The following NPAS3 variants were observed in gnomAD, a reference collection of about 807,000 sequenced individuals.
The protein encoded by NPAS3 is neuronal PAS domain-containing protein 3.
Under a neutral mutation model 73.1 loss-of-function variants are expected in NPAS3, and 14 were observed. That is an observed-to-expected ratio of 0.19 (90% CI 0.13 to 0.30). The LOEUF is 0.30. Among genes scored for constraint, NPAS3 ranks in the 10% least tolerant of loss-of-function variants. The probability of loss-of-function intolerance (pLI) is 1.00; values close to 1 mark genes in which losing one functional copy is unlikely to be tolerated. For synonymous variants in NPAS3, 620 were observed against 541.5 expected (o/e 1.14, Z -2.01); for missense variants, 1,096 against 1,250.0 (o/e 0.88, Z 1.86).
At chr14:33,769,868 A>G (rs1313114441) in intron 7 of NPAS3, among the ~76,000 whole-genome samples, 1 of 146,600 alleles carries the variant, frequency 6.8e-6, no homozygotes, top group Non-Finnish European at 1.5e-5. Context: ...AGGTTCAAGC[A>G]ATCCTCAAAC....
rs139230487 is a variant in NPAS3, at chr14:33,663,665, G to A, written c.559-12546G>A. On this transcript the variant is annotated intron_variant, in intron 5 of 11. Transcript: ENST00000356141. ...TCTGGTAGAATTCAGCTATGAATCC[G>A]TCTGGTCCTGGGGTTTTTTTGGTTG... is the stretch of plus-strand genomic sequence containing the variant. Among the ~76,000 whole-genome samples the A allele has an allele frequency of 3.2e-3, 490 of 152,198 alleles. 5 individuals carry two copies. Among genetic ancestry groups the A allele is most frequent in the African/African-American group, 0.011 (457 of 41,506 alleles).
intron 9 of NPAS3, among the ~76,000 whole-genome samples, chr14:33,782,521 G>C (rs559631517): frequency 3.5e-4 from 54 of 152,306 alleles, no homozygotes; most frequent in African/African-American, 1.2e-3. Context: ...AGGGTTCTTT[G>C]TGGGTCCAAT....
rs2383444 is a variant in NPAS3 at position 33,122,897 on chromosome 14, C to T, written c.140+66903C>T. Among the ~76,000 whole-genome samples the T allele has an allele frequency of 9.2e-5, 14 of 151,868 alleles. No individual in the cohort carries two copies. In the East Asian group the frequency reaches 2.1e-3, roughly 23 times the overall value. ...ATCAACTACAGATTTTTATTGTGGA[C>T]GTTTTGATTATAAGATCACTAGAAT... is the stretch of plus-strand genomic sequence containing the variant. On this transcript the variant is annotated intron_variant, in intron 2 of 11. Coordinates refer to ENST00000356141, the Ensembl canonical transcript of NPAS3.
intron 3 of NPAS3, among the ~76,000 whole-genome samples, chr14:33,291,150 G>C (rs1270246568): frequency 1.3e-5 from 2 of 152,094 alleles, no homozygotes; most frequent in Admixed American, 1.3e-4. Context: ...AGAGGGGAAA[G>C]CACAACCCCA....
At chr14:32,966,594 C>CTGCTATGAGAAAGCGTAGGGGAAACA (rs1595108919) in intron 1 of NPAS3, among the ~76,000 whole-genome samples, 5 of 135,968 alleles carry the variant, frequency 3.7e-5, no homozygotes, top group Non-Finnish European at 3.3e-5. Flanking sequence ...AATTATGAAA[C>CTGCTATGAGAAAGCGTAGGGGAAACA]CCCGTCTCTA....
intron 4 of NPAS3, among the ~76,000 whole-genome samples, chr14:33,447,259 A>G (rs1205141928): frequency 6.6e-6 from 1 of 152,228 alleles, no homozygotes; most frequent in African/African-American, 2.4e-5. Context: ...CACATGAATG[A>G]GAGAATTCTA....
intron 3 of NPAS3, among the ~76,000 whole-genome samples, chr14:33,223,584 T>C (rs923976006): frequency 2.6e-5 from 4 of 152,300 alleles, no homozygotes; most frequent in Non-Finnish European, 4.4e-5. Context: ...GTCTGAATGA[T>C]TACTTACTGT....
upstream of NPAS3, among the ~76,000 whole-genome samples, chr14:32,938,486 TGAGAGAGAGAGAGAGA>T (rs369330767): frequency 1.8e-5 from 1 of 55,906 alleles, no homozygotes; most frequent in Non-Finnish European, 3.3e-5. Context: ...AGAGAGAAAT[TGAGAGAGAGAGAGAGA>T]GAGAGAGAGA....
chr14:33,784,732 TATTTATTTA>T (rs2063092584), intron 9 of NPAS3, among the ~76,000 whole-genome samples: 2 of 103,556 alleles, frequency 1.9e-5, no homozygotes, highest in Non-Finnish European at 1.8e-5. Context: ...TTTATTTATT[TATTTATTTA>T]TTTATTTTTT....
chr14:33,117,431 C>T (rs1247590894), intron 2 of NPAS3, among the ~76,000 whole-genome samples: 5 of 152,070 alleles, frequency 3.3e-5, no homozygotes, highest in Non-Finnish European at 7.4e-5. Flanking sequence ...ACTCTCATGA[C>T]AGAGAAATAA....
At chr14:33,485,183 T>G (rs1450197689) in intron 4 of NPAS3, among the ~76,000 whole-genome samples, 1 of 152,146 alleles carries the variant, frequency 6.6e-6, no homozygotes, top group Non-Finnish European at 1.5e-5. Flanking sequence ...TCTTATGGAT[T>G]CCTCGTGTGC....
intron 1 of NPAS3, among the ~76,000 whole-genome samples, chr14:33,039,419 G>A (rs187309367): frequency 6.6e-6 from 1 of 152,282 alleles, no homozygotes; most frequent in Admixed American, 6.5e-5. Flanking sequence ...TCATGATTCA[G>A]TGTGAAATCC....
At position 33,716,288 on chromosome 14, in the gene NPAS3, G is replaced by A. The variant is rs115782397; in HGVS notation, c.734-18926G>A. 1.0e-3 allele frequency among the ~76,000 whole-genome samples: 155 copies of A among 152,238 alleles called. 1 individual carries two copies. The highest frequency in any genetic ancestry group is 3.3e-3 in the African/African-American group (136 of 41,538). ...CTCCAGCTACTGTTTCGTCTTAGCC[G>A]TCATGGAAACCACAGCTTTTCATTC... On this transcript the variant is annotated intron_variant, in intron 6 of 11. Coordinates refer to ENST00000356141, the Ensembl canonical transcript of NPAS3.
intron 3 of NPAS3, among the ~76,000 whole-genome samples, chr14:33,293,403 TA>T (rs1229031094): frequency 6.6e-6 from 1 of 152,182 alleles, no homozygotes; most frequent in Non-Finnish European, 1.5e-5. Context: ...CTTTTTAGGA[TA>T]AAAAGTGTTG....
At chr14:32,938,852 T>TCCC (rs1369992448), upstream of NPAS3, among the ~76,000 whole-genome samples, 3 of 139,396 alleles carry the variant, frequency 2.2e-5, no homozygotes, top group African/African-American at 7.8e-5. Context: ...CGCCGCCGCC[T>TCCC]CCCCCTCCTC....
intron 7 of NPAS3, among the ~76,000 whole-genome samples, chr14:33,773,367 C>A (rs1411630285): frequency 6.6e-6 from 1 of 152,190 alleles, no homozygotes; most frequent in Admixed American, 6.5e-5. Context: ...CACACTATAG[C>A]AGAGTCGTGG....
intron 2 of NPAS3, among the ~76,000 whole-genome samples, chr14:33,095,255 G>A (rs996199880): frequency 6.6e-6 from 1 of 152,208 alleles, no homozygotes; most frequent in Non-Finnish European, 1.5e-5. Flanking sequence ...TTTTGTGGAC[G>A]TGATCTACAT....
At chr14:33,735,873 G>A (rs774833207) in intron 7 of NPAS3, among the ~76,000 whole-genome samples, 4 of 151,928 alleles carry the variant, frequency 2.6e-5, no homozygotes, top group East Asian at 3.9e-4. Context: ...TAGAATACTC[G>A]ATATACGTAA....
intron 2 of NPAS3, among the ~76,000 whole-genome samples, chr14:33,071,287 T>C (rs1364286338): frequency 6.6e-6 from 1 of 152,196 alleles, no homozygotes; most frequent in Admixed American, 6.5e-5. Flanking sequence ...AGCTTTCTGT[T>C]CTCAAATATT....
Sources: gnomAD v4.1 joint callset for allele counts (sites outside exome capture counted in the v4.1 genomes callset) on GRCh38, gnomAD v4.1.1 for gene constraint, MANE v1.5 for transcripts, NCBI Gene and HGNC (gene_info 2026-07-23, HGNC 2026-07-21) for gene names.